Variants in TRIO observed in about 807,000 individuals in gnomAD.
TRIO encodes trio Rho guanine nucleotide exchange factor, also known as triple functional domain protein.
TRIO carries 58 observed loss-of-function variants against 351.9 expected under a neutral mutation model. The observed-to-expected ratio is 0.16, with a 90% CI of 0.13 to 0.21. The LOEUF (loss-of-function observed/expected upper bound fraction) is 0.21. TRIO is among the 10% of genes least tolerant of loss of function. The pLI is 1.00. For synonymous variants in TRIO, 1,758 were observed against 1,595.7 expected (o/e 1.10, Z -2.42); for missense variants, 3,201 against 4,027.8 (o/e 0.79, Z 5.56).
At chr5:14,462,547 A>T (rs529668566) in intron 35 of TRIO, among the ~76,000 whole-genome samples, 2 of 152,302 alleles carry the variant, frequency 1.3e-5, no homozygotes, top group African/African-American at 4.8e-5. Flanking sequence ...CACATGACAC[A>T]TTCAGTGGCC....
intron 8 of TRIO, among the ~76,000 whole-genome samples, chr5:14,309,725 C>T (rs1437254624): frequency 1.3e-5 from 2 of 152,152 alleles, no homozygotes; most frequent in African/African-American, 4.8e-5. Context: ...ATACGGAGCC[C>T]CTGCTAAGTG....
At chr5:14,488,317 C>T in intron 48 of TRIO, 57 bp downstream of exon 48, 2 of 1,509,758 alleles carry the variant, frequency 1.3e-6, no homozygotes, top group East Asian at 2.5e-5. Flanking sequence ...CCCGCCAGCT[C>T]TAAACGCCAC....
At chr5:14,325,102 A>G (rs76197725) in intron 9 of TRIO, among the ~76,000 whole-genome samples, 1,579 of 152,320 alleles carry the variant, frequency 0.01, 26 homozygotes, top group African/African-American at 0.036. Flanking sequence ...CATGATAGAA[A>G]ACCATTCTAG....
chr5:14,479,030 G>A (rs1346177155), intron 41 of TRIO, among the ~76,000 whole-genome samples: 1 of 152,154 alleles, frequency 6.6e-6, no homozygotes, highest in Admixed American at 6.5e-5. Flanking sequence ...GTACTGTAAA[G>A]TGAAGGGTTT....
chr5:14,412,277 C>A (rs988009493), intron 33 of TRIO, among the ~76,000 whole-genome samples: 5 of 152,210 alleles, frequency 3.3e-5, no homozygotes, highest in African/African-American at 1.2e-4. Context: ...CGTGAGCCAC[C>A]ATGCCCGGCC....
At chr5:14,371,051 C>T (rs1412373146) in intron 18 of TRIO, among the ~76,000 whole-genome samples, 2 of 152,196 alleles carry the variant, frequency 1.3e-5, no homozygotes, top group African/African-American at 4.8e-5. Context: ...TTGATTTTCA[C>T]TTTCAGTGCA....
At position 14,222,297 on chromosome 5, in the gene TRIO, G is replaced by A. The variant is rs1792690694; in HGVS notation, c.158-48528G>A. On this transcript the variant is annotated intron_variant, in intron 1 of 56. Coordinates refer to ENST00000344204, the MANE Select transcript of TRIO (RefSeq NM_007118.4). Reference sequence around the variant, plus strand: ...ATTTTTATATGCACTAGGAAACCAAGAAAGTTGTGTGACTCGCTTTATTGC... The same window carrying A: ...ATTTTTATATGCACTAGGAAACCAAAAAAGTTGTGTGACTCGCTTTATTGC... 2.0e-5 allele frequency among the ~76,000 whole-genome samples: 3 copies of A among 152,114 alleles called. No individual in the cohort carries two copies. The South Asian group carries it at 6.2e-4, about 31-fold the overall frequency.
intron 18 of TRIO, among the ~76,000 whole-genome samples, chr5:14,373,363 A>G (rs866726292): frequency 3.9e-5 from 6 of 152,182 alleles, no homozygotes; most frequent in East Asian, 1.9e-4. Flanking sequence ...ACAGTGACCA[A>G]CCCCAAAGCC....
At chr5:14,234,082 C>A (rs1222259184) in intron 1 of TRIO, among the ~76,000 whole-genome samples, 1 of 152,190 alleles carries the variant, frequency 6.6e-6, no homozygotes, top group African/African-American at 2.4e-5. Context: ...CATGAGCCAC[C>A]ATGTCTGGCC....
In TRIO at chr5:14,487,549, C is replaced by T; in HGVS notation, c.6921C>T (p.Gly2307=). The T allele has an allele frequency of 9.3e-7, 1 of 1,070,908 alleles. No individual in the cohort carries two copies. Among genetic ancestry groups the T allele is most frequent in the Non-Finnish European group, 1.1e-6 (1 of 876,408 alleles). 66.3% of individuals were successfully genotyped at this position (1,070,908 alleles called of 1,614,324 possible). A position where few individuals can be genotyped will look rare whatever the true frequency, so the allele number is the denominator to read the frequency against. ...GCGGGGGCAGCGGCGGGGGTGGGGGCAGCGGCGGCGGCGGGGCCCCCAGTG... is the reference window on the plus strand; with the variant it reads ...GCGGGGGCAGCGGCGGGGGTGGGGGTAGCGGCGGCGGCGGGGCCCCCAGTG... The part of the protein sequence containing the change: ...GGSGGSGGGG[G]SGGGGAPSGG... The change falls in exon 48 of 57, where the codon GGC becomes GGT. Residue 2307 remains glycine, a synonymous_variant. Transcript: ENST00000344204.
intron 49 of TRIO, among the ~76,000 whole-genome samples, chr5:14,493,580 C>G (rs1756655464): frequency 6.6e-6 from 1 of 152,134 alleles, no homozygotes; most frequent in Non-Finnish European, 1.5e-5. Flanking sequence ...GTCCATTCCC[C>G]CATGTGTCTC....
At chr5:14,482,018 T>C (rs1237474571) in intron 45 of TRIO, among the ~76,000 whole-genome samples, 2 of 152,170 alleles carry the variant, frequency 1.3e-5, no homozygotes, top group Admixed American at 6.5e-5. Flanking sequence ...GTTTAAGATA[T>C]GTTTGCATGA....
chr5:14,154,105 G>A (rs181408146), intron 1 of TRIO, among the ~76,000 whole-genome samples: 77 of 152,260 alleles, frequency 5.1e-4, no homozygotes, highest in African/African-American at 1.8e-3. Flanking sequence ...AGGCTCCCCC[G>A]GCTCACAGTC....
chr5:14,208,705 AG>A (rs1791690588), intron 1 of TRIO, among the ~76,000 whole-genome samples: 1 of 152,262 alleles, frequency 6.6e-6, no homozygotes, highest in South Asian at 2.1e-4. Flanking sequence ...AGCCAATCAC[AG>A]CAGCTGGGCT....
chr5:14,505,278 G>A (rs954052136), intron 55 of TRIO, among the ~76,000 whole-genome samples: 6 of 152,234 alleles, frequency 3.9e-5, no homozygotes, highest in Non-Finnish European at 7.3e-5. Context: ...GGCAGGGAGC[G>A]GCCGGAGGCC....
chr5:14,262,883 C>G (rs993997417), intron 1 of TRIO, among the ~76,000 whole-genome samples: 2 of 152,124 alleles, frequency 1.3e-5, no homozygotes, highest in African/African-American at 2.4e-5. Context: ...GGTGCCTCTT[C>G]TTCATGGCAC....
At chr5:14,276,626 T>C (rs1735542503) in intron 2 of TRIO, among the ~76,000 whole-genome samples, 1 of 152,176 alleles carries the variant, frequency 6.6e-6, no homozygotes, top group Admixed American at 6.5e-5. Context: ...GAGTGGGAGG[T>C]TGGACAGCGG....
At chr5:14,246,612 C>T (rs1314655967) in intron 1 of TRIO, among the ~76,000 whole-genome samples, 1 of 152,214 alleles carries the variant, frequency 6.6e-6, no homozygotes, top group African/African-American at 2.4e-5. Flanking sequence ...CCAGCTGAGG[C>T]CTGCCCCCTT....
In TRIO at chr5:14,206,523, C is replaced by G. The variant is rs1034578187; in HGVS notation, c.157+62641C>G. On this transcript the variant is annotated intron_variant, in intron 1 of 56. Coordinates refer to ENST00000344204, the MANE Select transcript of TRIO (RefSeq NM_007118.4). ...CTTATCCTCGAAAGTTTAACTCAAC[C>G]TCTTTCTCCCAGTAAGCCTCTGAGG... is the stretch of plus-strand genomic sequence containing the variant. Among the ~76,000 whole-genome samples, 65 of 152,290 alleles carry G rather than the reference C, an allele frequency of 4.3e-4. 1 individual carries two copies. Among genetic ancestry groups the G allele is most frequent in the African/African-American group, 1.5e-3 (63 of 41,548 alleles).
Sources: allele counts gnomAD v4.1 joint callset (sites outside exome capture counted in the v4.1 genomes callset), GRCh38; gene constraint gnomAD v4.1.1; transcripts MANE v1.5; gene names NCBI Gene and HGNC (gene_info 2026-07-23, HGNC 2026-07-21).